Variants in LHFPL3 observed in about 807,000 individuals in gnomAD.
LHFPL3 encodes LHFPL tetraspan subfamily member 3, also known as LHFPL tetraspan subfamily member 3 protein.
LHFPL3 carries 5 observed loss-of-function variants against 19.3 expected under a neutral mutation model. The observed-to-expected ratio is 0.26, with a 90% confidence interval of 0.14 to 0.54. The LOEUF is 0.54. Ranked by LOEUF, LHFPL3 falls within the 20% of genes least tolerant of loss-of-function variation. The pLI is 0.94. For missense variants in LHFPL3, 249 were observed against 307.4 expected (o/e 0.81, Z 1.42); for synonymous variants, 133 against 126.2 (o/e 1.05, Z -0.36).
chr7:104,558,920 C>G (rs1789923158), intron 1 of LHFPL3, among the ~76,000 whole-genome samples: 2 of 146,660 alleles, frequency 1.4e-5, no homozygotes, highest in South Asian at 4.3e-4. Context: ...TTCCCAGCAC[C>G]ATTTATTAAA....
chr7:104,779,694 T>A (rs1236924041), intron 2 of LHFPL3, among the ~76,000 whole-genome samples: 1 of 152,268 alleles, frequency 6.6e-6, no homozygotes, highest in Non-Finnish European at 1.5e-5. Flanking sequence ...TTCCTTGCTT[T>A]CTTCCTTTGT....
At chr7:104,439,870 CAT>C (rs1792182245) in intron 1 of LHFPL3, among the ~76,000 whole-genome samples, 1 of 151,950 alleles carries the variant, frequency 6.6e-6, no homozygotes, top group Non-Finnish European at 1.5e-5. Flanking sequence ...AAAGGTAAAA[CAT>C]AAAAATTGGC....
chr7:104,826,612 A>T (rs886903521), intron 2 of LHFPL3: 2 of 155,932 alleles, frequency 1.3e-5, no homozygotes, highest in Non-Finnish European at 2.9e-5. Context: ...AGGCCTACTG[A>T]GGAGCCCAAA....
chr7:104,472,190 A>AG (rs1792923692), intron 1 of LHFPL3, among the ~76,000 whole-genome samples: 5 of 151,974 alleles, frequency 3.3e-5, no homozygotes, highest in Admixed American at 3.3e-4. Flanking sequence ...AAAAAAAAAA[A>AG]ATCACTACTC....
At chr7:104,512,328 A>T (rs187638697) in intron 1 of LHFPL3, among the ~76,000 whole-genome samples, 1 of 151,926 alleles carries the variant, frequency 6.6e-6, no homozygotes, top group South Asian at 2.1e-4. Flanking sequence ...TTTATCAGAT[A>T]TTTTTTTGTG....
chr7:104,548,758 A>G (rs964862956), intron 1 of LHFPL3, among the ~76,000 whole-genome samples: 6 of 152,100 alleles, frequency 3.9e-5, no homozygotes, highest in Non-Finnish European at 5.9e-5. Flanking sequence ...TATGAAAGAG[A>G]CACAAAACAA....
chr7:104,556,526 C>T (rs555937354), intron 1 of LHFPL3, among the ~76,000 whole-genome samples: 2 of 152,204 alleles, frequency 1.3e-5, no homozygotes, highest in Non-Finnish European at 2.9e-5. Context: ...CGGTCAAGTC[C>T]CTAGACTGTA....
At chr7:104,430,396 A>ACACG (rs1562895087) in intron 1 of LHFPL3, among the ~76,000 whole-genome samples, 1 of 42,596 alleles carries the variant, frequency 2.3e-5, no homozygotes, top group African/African-American at 2.0e-4. Flanking sequence ...ATATATATAT[A>ACACG]TATATATACA....
chr7:104,829,557 A>G (rs2116553011), intron 2 of LHFPL3, among the ~76,000 whole-genome samples: 1 of 150,530 alleles, frequency 6.6e-6, no homozygotes, highest in East Asian at 2.0e-4. Flanking sequence ...TTCAGTTCCC[A>G]CCTATGAGTG....
chr7:104,756,646 T>G (rs1440263359), intron 2 of LHFPL3, among the ~76,000 whole-genome samples: 1 of 152,070 alleles, frequency 6.6e-6, no homozygotes, highest in Admixed American at 6.6e-5. Context: ...ATTACAGGCA[T>G]GCTCCACCAC....
At chr7:104,838,385 A>T (rs1464643130) in intron 2 of LHFPL3, among the ~76,000 whole-genome samples, 1 of 152,230 alleles carries the variant, frequency 6.6e-6, no homozygotes, top group Non-Finnish European at 1.5e-5. Flanking sequence ...CACTGTAGTG[A>T]AAGTCAGCTC....
At chr7:104,406,497 A>T (rs1378608890) in intron 1 of LHFPL3, among the ~76,000 whole-genome samples, 1 of 152,254 alleles carries the variant, frequency 6.6e-6, no homozygotes, top group Non-Finnish European at 1.5e-5. Context: ...TGACATTGTT[A>T]TAACTATACC....
chr7:104,345,202 G>T (rs964376303), intron 1 of LHFPL3, among the ~76,000 whole-genome samples: 1 of 152,080 alleles, frequency 6.6e-6, no homozygotes, highest in African/African-American at 2.4e-5. Context: ...GCATAAAGCT[G>T]CTCCTAATAT....
chr7:104,503,846 A>G (rs1793648746), intron 1 of LHFPL3, among the ~76,000 whole-genome samples: 2 of 152,230 alleles, frequency 1.3e-5, no homozygotes, highest in African/African-American at 2.4e-5. Flanking sequence ...TTGGGATTAT[A>G]GTCATGAGCC....
chr7:104,484,155 C>G (rs566501316), intron 1 of LHFPL3, among the ~76,000 whole-genome samples: 16 of 152,270 alleles, frequency 1.1e-4, no homozygotes, highest in Admixed American at 8.5e-4. Context: ...TTAAGAAAAC[C>G]CCTTTAGCTG....
chr7:104,671,838 C>T (rs190873535), intron 1 of LHFPL3, among the ~76,000 whole-genome samples: 60 of 152,268 alleles, frequency 3.9e-4, no homozygotes, highest in Non-Finnish European at 6.5e-4. Flanking sequence ...CAAGGTATTA[C>T]TCTACCCATT....
chr7:104,544,549 A>C (rs1246393650), intron 1 of LHFPL3, among the ~76,000 whole-genome samples: 1 of 152,122 alleles, frequency 6.6e-6, no homozygotes, highest in Non-Finnish European at 1.5e-5. Context: ...TTTCTCTTTC[A>C]GTTCTTTCTA....
intron 1 of LHFPL3, among the ~76,000 whole-genome samples, chr7:104,407,151 A>G (rs17137377): frequency 0.031 from 4,773 of 152,262 alleles, 216 homozygotes; most frequent in East Asian, 0.16. Context: ...CCTTTCTTTA[A>G]GTTATTCTCA....
chr7:104,468,483 T>C (rs1222792161), intron 1 of LHFPL3, among the ~76,000 whole-genome samples: 1 of 152,132 alleles, frequency 6.6e-6, no homozygotes, highest in African/African-American at 2.4e-5. Context: ...ATAATTGTCA[T>C]GGCTTTTTGG....
Sources: allele counts gnomAD v4.1 joint callset (sites outside exome capture counted in the v4.1 genomes callset), GRCh38; gene constraint gnomAD v4.1.1; transcripts MANE v1.5; gene names NCBI Gene and HGNC (gene_info 2026-07-23, HGNC 2026-07-21).